RBFOX1: variants seen among roughly 807,000 people sequenced by gnomAD.
RBFOX1 encodes RNA binding fox-1 homolog 1.
A neutral mutation model predicts 57.7 loss-of-function variants in RBFOX1; 8 were observed. The observed-to-expected ratio is 0.14, with a 90% CI of 0.08 to 0.25. The LOEUF (loss-of-function observed/expected upper bound fraction) is 0.25. Ranked by LOEUF, RBFOX1 falls within the 10% of genes least tolerant of loss-of-function variation. The pLI is 1.00. For synonymous variants in RBFOX1, 326 were observed against 222.4 expected (o/e 1.47, Z -4.15); for missense variants, 611 against 548.5 (o/e 1.11, Z -1.14).
chr16:7,010,416 T>A (rs1033783007), intron 3 of RBFOX1, among the ~76,000 whole-genome samples: 1 of 152,176 alleles, frequency 6.6e-6, no homozygotes, highest in Admixed American at 6.5e-5. Context: ...ATTATATGCA[T>A]TGGCCAGTGA....
At chr16:6,622,934 T>A (rs2098253885) in intron 2 of RBFOX1, among the ~76,000 whole-genome samples, 1 of 152,216 alleles carries the variant, frequency 6.6e-6, no homozygotes, top group Non-Finnish European at 1.5e-5. Context: ...ATGCACTTAA[T>A]TCTCTCAGGG....
At chr16:6,922,051 G>A (rs74008446) in intron 3 of RBFOX1, among the ~76,000 whole-genome samples, 1 of 152,172 alleles carries the variant, frequency 6.6e-6, no homozygotes, top group Admixed American at 6.5e-5. Flanking sequence ...CCAACTGGCA[G>A]CTGGTATTAC....
At chr16:5,397,506 C>A (rs1240186851) in intron 1 of RBFOX1, among the ~76,000 whole-genome samples, 1 of 152,208 alleles carries the variant, frequency 6.6e-6, no homozygotes, top group African/African-American at 2.4e-5. Context: ...ATATCTGCAA[C>A]CCCATTCCCC....
At chr16:6,988,956 T>A (rs1420551343) in intron 3 of RBFOX1, among the ~76,000 whole-genome samples, 1 of 151,816 alleles carries the variant, frequency 6.6e-6, no homozygotes, top group Non-Finnish European at 1.5e-5. Context: ...TTGAGATGGG[T>A]TTTCCCATGT....
In RBFOX1 at chr16:6,732,264, G is replaced by A. The variant is rs538909143; in HGVS notation, c.-16+77614G>A. Among the ~76,000 whole-genome samples, 8 of 152,302 alleles carry A rather than the reference G, an allele frequency of 5.3e-5. No homozygotes were observed. The Middle Eastern group carries it at 0.014, about 259-fold the overall frequency. On this transcript the variant is annotated intron_variant, in intron 3 of 15. Transcript: ENST00000550418. ...CTGGATTACAGTGGTGTTAGATGTGGCCAAGAATCCACAGTGAAATTCCAG... is the reference window on the plus strand; with the variant it reads ...CTGGATTACAGTGGTGTTAGATGTGACCAAGAATCCACAGTGAAATTCCAG...
intron 4 of RBFOX1, among the ~76,000 whole-genome samples, chr16:7,383,811 C>G (rs924953526): frequency 6.6e-6 from 1 of 152,050 alleles, no homozygotes; most frequent in East Asian, 1.9e-4. Context: ...AATCCCCGTA[C>G]TTTGGGAGGC....
At chr16:5,779,922 C>T (rs1169643041) in intron 3 of RBFOX1, among the ~76,000 whole-genome samples, 2 of 152,158 alleles carry the variant, frequency 1.3e-5, no homozygotes, top group Non-Finnish European at 2.9e-5. Context: ...TCATACTGAT[C>T]TGAGAGTTTT....
At chr16:7,239,472 C>G (rs988895928) in intron 4 of RBFOX1, among the ~76,000 whole-genome samples, 2 of 152,112 alleles carry the variant, frequency 1.3e-5, no homozygotes, top group African/African-American at 4.8e-5. Context: ...GCACTCCAGC[C>G]TGGGCAACAG....
rs573285264 is a variant in RBFOX1, at chr16:7,232,612, C to T, written c.27+180514C>T. On this transcript the variant is annotated intron_variant, in intron 4 of 15. Coordinates refer to ENST00000550418, the MANE Select transcript of RBFOX1 (RefSeq NM_018723.4). ...ATCCCAGCGCTTTGGGAGGCCGAAG[C>T]GGGTGGATCACCTGAGGTTGGGAGT... Among the ~76,000 whole-genome samples the T allele has an allele frequency of 4.9e-4, 75 of 152,024 alleles. 3 individuals carry two copies. The South Asian group carries it at 0.016, about 32-fold the overall frequency.
At chr16:7,475,906 T>G (rs1044936352) in intron 4 of RBFOX1, among the ~76,000 whole-genome samples, 2 of 152,220 alleles carry the variant, frequency 1.3e-5, no homozygotes, top group Admixed American at 1.3e-4. Context: ...GAAGTTCACA[T>G]CATGTCTGGC....
At chr16:7,436,581 A>C (rs1301734467) in intron 4 of RBFOX1, among the ~76,000 whole-genome samples, 2 of 152,190 alleles carry the variant, frequency 1.3e-5, no homozygotes, top group East Asian at 3.9e-4. Flanking sequence ...GCATAAACTG[A>C]GGCTCCATGA....
At chr16:5,347,867 C>G in intron 1 of RBFOX1, among the ~76,000 whole-genome samples, 1 of 149,064 alleles carries the variant, frequency 6.7e-6, no homozygotes, top group Non-Finnish European at 1.5e-5. Context: ...CTCTTTCACT[C>G]AATAATGCAC....
At chr16:7,272,553 A>G (rs569327104) in intron 4 of RBFOX1, among the ~76,000 whole-genome samples, 1 of 152,326 alleles carries the variant, frequency 6.6e-6, no homozygotes, top group South Asian at 2.1e-4. Context: ...TCAAATATTT[A>G]TAGGCAACTA....
At chr16:7,197,994 C>CTTTCT (rs2087194937) in intron 4 of RBFOX1, among the ~76,000 whole-genome samples, 3 of 85,286 alleles carry the variant, frequency 3.5e-5, no homozygotes, top group South Asian at 3.9e-4. Flanking sequence ...GGTTTTCTTT[C>CTTTCT]TTTCTTTTTT....
chr16:6,858,178 A>G (rs1440429415), intron 3 of RBFOX1, among the ~76,000 whole-genome samples: 1 of 152,224 alleles, frequency 6.6e-6, no homozygotes, highest in Non-Finnish European at 1.5e-5. Context: ...GAAATAGCTC[A>G]CTCATAAGTG....
chr16:7,082,775 C>T (rs1386216857), intron 4 of RBFOX1, among the ~76,000 whole-genome samples: 1 of 152,096 alleles, frequency 6.6e-6, no homozygotes, highest in African/African-American at 2.4e-5. Flanking sequence ...AGATCAGAAG[C>T]CACTGAAACA....
intron 3 of RBFOX1, among the ~76,000 whole-genome samples, chr16:7,007,502 T>C (rs1314992026): frequency 6.6e-6 from 1 of 152,202 alleles, no homozygotes; most frequent in Non-Finnish European, 1.5e-5. Context: ...ACGCATCGTA[T>C]TGACAGGTTC....
intron 1 of RBFOX1, among the ~76,000 whole-genome samples, chr16:5,242,947 G>A (rs2062204146): frequency 6.8e-6 from 1 of 147,374 alleles, no homozygotes; most frequent in Non-Finnish European, 1.5e-5. Flanking sequence ...TGAGTGCCAA[G>A]TCCTGCTGCA....
chr16:6,937,980 TG>T (rs372868389), intron 3 of RBFOX1, among the ~76,000 whole-genome samples: 92 of 59,080 alleles, frequency 1.6e-3, no homozygotes, highest in African/African-American at 5.5e-3. Context: ...TTTAGATGGG[TG>T]GGGGTGGGGG....
Sources: gnomAD v4.1 joint callset for allele counts (sites outside exome capture counted in the v4.1 genomes callset) on GRCh38, gnomAD v4.1.1 for gene constraint, MANE v1.5 for transcripts, NCBI Gene and HGNC (gene_info 2026-07-23, HGNC 2026-07-21) for gene names.